The following TSPEAR variants were observed in gnomAD, a reference collection of about 807,000 sequenced individuals.
TSPEAR encodes the protein thrombospondin type laminin G domain and EAR repeats.
Under a neutral mutation model 71.6 loss-of-function variants are expected in TSPEAR, and 69 were observed. The observed-to-expected ratio is 0.96, with a 90% confidence interval of 0.79 to 1.18. TSPEAR has a LOEUF of 1.18. Among genes scored for constraint, TSPEAR ranks in the 50% most tolerant of loss-of-function variants. The pLI, the probability that TSPEAR is intolerant of heterozygous loss-of-function variation, is 0.00. For missense variants in TSPEAR, 971 were observed against 894.9 expected, an observed-to-expected ratio of 1.09 and a Z score of -1.09; for synonymous variants, 402 against 387.2, an observed-to-expected ratio of 1.04 and a Z score of -0.45.
chr21:44,633,313 G>T (rs1385026242), intron 1 of TSPEAR, among the ~76,000 whole-genome samples: 4 of 152,074 alleles, frequency 2.6e-5, no homozygotes, highest in Admixed American at 2.0e-4. Flanking sequence ...CTTAAGGTGT[G>T]AAGTTAGATT....
chr21:44,527,365 T>C lies in TSPEAR; in HGVS notation c.1076A>G (p.Glu359Gly). 5 of 1,614,206 alleles carry C rather than the reference T, an allele frequency of 3.1e-6. No homozygotes were observed. The highest frequency in any genetic ancestry group is 3.4e-6 in the Non-Finnish European group (4 of 1,180,044). ...ATSAVYKWTEEKFVSYQNIPT... is the reference protein window; with the variant it reads ...ATSAVYKWTEGKFVSYQNIPT... Reference sequence around the variant, plus strand: ...GATGTTCTGATATGAGACGAACTTCTCTTCGGTCCACTTGTAGACGGCGGA... The same window carrying C: ...GATGTTCTGATATGAGACGAACTTCCCTTCGGTCCACTTGTAGACGGCGGA... Residue 359 changes from glutamate to glycine, a missense_variant, in exon 7 of 12, where the codon GAG (glutamate) becomes GGG (glycine). By Grantham distance (98) the Glu-to-Gly change is moderately conservative. Coordinates refer to ENST00000323084, the MANE Select transcript of TSPEAR (RefSeq NM_144991.3).
Position 44,674,731 on chromosome 21 carries a change from AGTGTGTGTGTGTGTGTGTGTGTGTGTGT to A in TSPEAR, c.82+36674_82+36701del, listed in dbSNP as rs59452363. The stretch of plus-strand genomic sequence containing the variant: ...TGACAAAGGGAGACTCTGTCTTTAA[AGTGTGTGTGTGTGTGTGTGTGTGTGTGT>A]GTGTGTGTGTGTGTGTGTGTGTGTG... On this transcript the variant is annotated intron_variant, in intron 1 of 11. Transcript: ENST00000323084. Among the ~76,000 whole-genome samples, 1,160 of 127,148 alleles carry A rather than the reference AGTGTGTGTGTGTGTGTGTGTGTGTGTGT, an allele frequency of 9.1e-3. 14 individuals are homozygous for A. Among genetic ancestry groups the A allele is most frequent in the African/African-American group, 0.032 (1,080 of 33,574 alleles). The allele number at this position is 127,148 out of a possible 152,430, so 83.4% of individuals were successfully genotyped here.
chr21:44,581,790 GT>G (rs1481952771), intron 1 of TSPEAR, among the ~76,000 whole-genome samples: 10 of 152,164 alleles, frequency 6.6e-5, no homozygotes, highest in Admixed American at 1.3e-4. Context: ...GCATTTAAAC[GT>G]TTTTCCCCTC....
chr21:44,637,515 C>T (rs782354898), intron 1 of TSPEAR: 3 of 1,613,406 alleles, frequency 1.9e-6, no homozygotes, highest in South Asian at 1.1e-5. Flanking sequence ...TGCTGCTGTG[C>T]CCCAGCCCCC....
chr21:44,705,334 A>G (rs1314361065), intron 1 of TSPEAR, among the ~76,000 whole-genome samples: 1 of 152,114 alleles, frequency 6.6e-6, no homozygotes, highest in Admixed American at 6.5e-5. Flanking sequence ...ATTGTACAGC[A>G]TGTGTGTTTG....
At chr21:44,608,097 G>A (rs912034681) in intron 1 of TSPEAR, among the ~76,000 whole-genome samples, 7 of 152,162 alleles carry the variant, frequency 4.6e-5, no homozygotes, top group African/African-American at 9.7e-5. Context: ...CTGGGAACTC[G>A]GAGATGATGG....
At position 44,674,144 on chromosome 21, in the gene TSPEAR, C is replaced by G. The variant is rs376479668; in HGVS notation, c.82+37289G>C. On this transcript the variant is annotated intron_variant, in intron 1 of 11. Transcript: ENST00000323084. ...AAAAAAAAAAAAAGTAGAAAGATTTCAAATAAACAATCCAATGATGCACCT... is the reference window on the plus strand; with the variant it reads ...AAAAAAAAAAAAAGTAGAAAGATTTGAAATAAACAATCCAATGATGCACCT... 3.4e-5 allele frequency among the ~76,000 whole-genome samples: 5 copies of G among 148,548 alleles called. 1 individual carries two copies.
At chr21:44,565,687 CAA>C (rs2053693876) in intron 2 of TSPEAR, among the ~76,000 whole-genome samples, 1 of 152,090 alleles carries the variant, frequency 6.6e-6, no homozygotes, top group Non-Finnish European at 1.5e-5. Flanking sequence ...TAAAAACACT[CAA>C]TAAGATAGAG....
intron 1 of TSPEAR, among the ~76,000 whole-genome samples, chr21:44,699,341 C>T (rs1341446029): frequency 7.3e-6 from 1 of 136,132 alleles, no homozygotes; most frequent in Non-Finnish European, 1.5e-5. Context: ...GATTGAGCCA[C>T]TGCACTCCAG....
chr21:44,625,871 ACT>A (rs1221003919), intron 1 of TSPEAR, among the ~76,000 whole-genome samples: 2 of 151,658 alleles, frequency 1.3e-5, no homozygotes, highest in South Asian at 2.1e-4. Context: ...TAGCTGGAGG[ACT>A]CTCTCCCTGG....
intron 1 of TSPEAR, chr21:44,702,836 T>TC: frequency 2.0e-6 from 2 of 1,015,760 alleles, no homozygotes; most frequent in Non-Finnish European, 1.5e-6. Flanking sequence ...AGGCTCAGGT[T>TC]CCCCCCAACC....
At chr21:44,525,943 C>A in intron 7 of TSPEAR, 104 bp from the exon 8 acceptor site, 1 of 1,190,156 alleles carries the variant, frequency 8.4e-7, no homozygotes, top group Non-Finnish European at 1.2e-6. Context: ...AGATCCACGG[C>A]TGCTACGTGG....
Position 44,612,302 on chromosome 21 carries a change from C to T in TSPEAR, c.83-44297G>A, listed in dbSNP as rs782049164. The T allele has an allele frequency of 3.1e-6, 5 of 1,613,626 alleles. No individual in the cohort carries two copies. Among genetic ancestry groups the T allele is most frequent in the East Asian group, 2.2e-5 (1 of 44,882 alleles). ...CTGCTGTACCCCTAGCTGCTGTGCC[C>T]CAGCCCCCTGCCTGGCCCTGGTCTG... On this transcript the variant is annotated intron_variant, in intron 1 of 11. Coordinates refer to ENST00000323084, the MANE Select transcript of TSPEAR (RefSeq NM_144991.3). This position sits in a 1 kb window ranked among gnomAD's most constrained non-coding sequence, Gnocchi z 4.1.
intron 1 of TSPEAR, among the ~76,000 whole-genome samples, chr21:44,688,879 C>T (rs1986982153): frequency 6.6e-6 from 1 of 152,130 alleles, no homozygotes; most frequent in Admixed American, 6.5e-5. Context: ...GTGAGCATGT[C>T]ACCCCCTGGC....
At chr21:44,503,867 G>C (rs1477979480) in intron 11 of TSPEAR, among the ~76,000 whole-genome samples, 4 of 135,668 alleles carry the variant, frequency 2.9e-5, no homozygotes, top group African/African-American at 5.8e-5. Flanking sequence ...GGGGGAAGCC[G>C]GCCTTGGTGA....
At chr21:44,625,267 G>A (rs1466594221) in intron 1 of TSPEAR, among the ~76,000 whole-genome samples, 2 of 152,138 alleles carry the variant, frequency 1.3e-5, no homozygotes, top group African/African-American at 4.8e-5. Flanking sequence ...CAAAGAAAAT[G>A]AGCATGAAAA....
intron 9 of TSPEAR, chr21:44,517,929 C>CATCACT: frequency 2.2e-6 from 1 of 463,130 alleles, no homozygotes; most frequent in South Asian, 1.6e-5. Flanking sequence ...CTGACAATTC[C>CATCACT]ATCACTGTCC....
At position 44,661,791 on chromosome 21, in the gene TSPEAR, C is replaced by T. The variant is rs464165; in HGVS notation, c.82+49642G>A. Among the ~76,000 whole-genome samples, 93 of 152,226 alleles carry T rather than the reference C, an allele frequency of 6.1e-4. 2 individuals are homozygous for T. In the East Asian group the frequency reaches 0.018, roughly 29 times the overall value. ...AGACGGGGCTGGGGGAGGGGCCACA[C>T]GCCTTTAAACAACCAGGTCTCCCAA... On this transcript the variant is annotated intron_variant, in intron 1 of 11. Transcript: ENST00000323084.
chr21:44,570,148 C>T (rs2053771966), intron 1 of TSPEAR, among the ~76,000 whole-genome samples: 1 of 152,146 alleles, frequency 6.6e-6, no homozygotes, highest in Admixed American at 6.5e-5. Context: ...GGTGCCCTGC[C>T]CAGCACTCAG....
Sources: allele counts gnomAD v4.1 joint callset (sites outside exome capture counted in the v4.1 genomes callset), GRCh38; gene constraint gnomAD v4.1.1; non-coding constraint Gnocchi (gnomAD v3.1); transcripts MANE v1.5; gene names NCBI Gene and HGNC (gene_info 2026-07-23, HGNC 2026-07-21).